The following BNC2 variants were observed in gnomAD, a reference collection of about 807,000 sequenced individuals.
The protein encoded by BNC2 is basonuclin zinc finger protein 2.
A neutral mutation model predicts 76.3 loss-of-function variants in BNC2; 20 were observed. The ratio of observed to expected loss-of-function variants is 0.26; its 90% CI spans 0.18 to 0.38. The LOEUF is 0.38. Among genes scored for constraint, BNC2 ranks in the 10% least tolerant of loss-of-function variants. The pLI is 1.00. For missense variants in BNC2, 1,382 were observed against 1,399.8 expected (o/e 0.99, Z 0.20); for synonymous variants, 582 against 514.8 (o/e 1.13, Z -1.77).
chr9:16,721,068 G>A (rs976775774), intron 3 of BNC2, among the ~76,000 whole-genome samples: 2 of 152,142 alleles, frequency 1.3e-5, no homozygotes, highest in Non-Finnish European at 2.9e-5. Flanking sequence ...GGAGAAAGAT[G>A]GCAGTACAGG....
chr9:16,514,244 A>AATT (rs1271550327), intron 5 of BNC2, among the ~76,000 whole-genome samples: 2 of 152,210 alleles, frequency 1.3e-5, no homozygotes, highest in African/African-American at 4.8e-5. Context: ...ATGCAGCCTG[A>AATT]GAGTTACTAG....
At chr9:16,711,016 G>C (rs150937076) in intron 3 of BNC2, among the ~76,000 whole-genome samples, 4 of 151,864 alleles carry the variant, frequency 2.6e-5, no homozygotes, top group Non-Finnish European at 5.9e-5. Context: ...GCAGCTCTTG[G>C]CCATCACTGC....
At chr9:16,471,983 G>A (rs1338320201) in intron 5 of BNC2, among the ~76,000 whole-genome samples, 1 of 152,018 alleles carries the variant, frequency 6.6e-6, no homozygotes, top group Non-Finnish European at 1.5e-5. Context: ...TTTTTCTCTT[G>A]CCTCTGCCAT....
intron 5 of BNC2, among the ~76,000 whole-genome samples, chr9:16,511,946 C>T (rs769028333): frequency 3.3e-5 from 5 of 152,044 alleles, no homozygotes; most frequent in South Asian, 2.1e-4. Context: ...AAGTGCTCTC[C>T]GTAAAAATCT....
At chr9:16,762,125 G>C (rs557119591) in intron 1 of BNC2, among the ~76,000 whole-genome samples, 96 of 152,250 alleles carry the variant, frequency 6.3e-4, no homozygotes, top group African/African-American at 2.3e-3. Context: ...GCTCCAGGAA[G>C]CAAACTCTTC....
At chr9:16,582,372 G>A (rs1414907224) in intron 4 of BNC2, among the ~76,000 whole-genome samples, 1 of 151,876 alleles carries the variant, frequency 6.6e-6, no homozygotes, top group Non-Finnish European at 1.5e-5. Context: ...CTTCGCGTGG[G>A]GTCTCCCCAC....
chr9:16,697,632 A>G (rs1823378669), intron 3 of BNC2, among the ~76,000 whole-genome samples: 1 of 151,986 alleles, frequency 6.6e-6, no homozygotes, highest in Non-Finnish European at 1.5e-5. Context: ...AAGAGGCACA[A>G]GAATTGCTTA....
In BNC2 at chr9:16,589,423, C is replaced by T. The variant is rs369918173; in HGVS notation, c.331-6338G>A. Among the ~76,000 whole-genome samples the T allele has an allele frequency of 6.6e-5, 10 of 152,074 alleles. No homozygotes were observed. In the East Asian group the frequency reaches 1.9e-3, roughly 29 times the overall value. On this transcript the variant is annotated intron_variant, in intron 3 of 6. Transcript: ENST00000380672. Reference sequence around the variant, plus strand: ...CTGGTCTCAAACTCCTAAGCTCAAGCGATTTGCCCGCCTCAGCCTCCCAAA... The same window carrying T: ...CTGGTCTCAAACTCCTAAGCTCAAGTGATTTGCCCGCCTCAGCCTCCCAAA...
intron 3 of BNC2, among the ~76,000 whole-genome samples, chr9:16,701,443 TATC>T (rs1273252670): frequency 6.6e-6 from 1 of 152,198 alleles, no homozygotes; most frequent in African/African-American, 2.4e-5. Flanking sequence ...ATAAATAAGA[TATC>T]ATGACTAGCA....
intron 1 of BNC2, among the ~76,000 whole-genome samples, chr9:16,860,665 A>G (rs552553311): frequency 1.3e-5 from 2 of 152,342 alleles, no homozygotes; most frequent in African/African-American, 4.8e-5. Context: ...CATACCAAGG[A>G]CAGAAACATC....
chr9:16,694,948 T>C (rs563652969), intron 3 of BNC2, among the ~76,000 whole-genome samples: 1 of 152,184 alleles, frequency 6.6e-6, no homozygotes, highest in African/African-American at 2.4e-5. Context: ...GTAGTCTGTA[T>C]CAGACAGGTA....
At chr9:16,724,177 G>C (rs1045354064) in intron 3 of BNC2, among the ~76,000 whole-genome samples, 1 of 151,644 alleles carries the variant, frequency 6.6e-6, no homozygotes, top group Non-Finnish European at 1.5e-5. Flanking sequence ...ATTAAATGTG[G>C]GCTATAGCTA....
chr9:16,737,399 C>T (rs374188623), intron 2 of BNC2, among the ~76,000 whole-genome samples: 9 of 151,530 alleles, frequency 5.9e-5, no homozygotes, highest in South Asian at 2.1e-4. Context: ...TACAGGCGCC[C>T]GCCACCACGC....
intron 4 of BNC2, among the ~76,000 whole-genome samples, chr9:16,568,828 G>A (rs969575070): frequency 2.0e-5 from 3 of 152,084 alleles, no homozygotes; most frequent in Admixed American, 1.3e-4. Flanking sequence ...TTCTTATGAC[G>A]TGAAGTAATA....
intron 3 of BNC2, among the ~76,000 whole-genome samples, chr9:16,603,286 T>C (rs1268936240): frequency 1.3e-5 from 2 of 152,326 alleles, no homozygotes; most frequent in East Asian, 3.9e-4. Flanking sequence ...AAATCAAAAT[T>C]TACTTCTACA....
At chr9:16,733,959 A>C (rs2840290) in intron 2 of BNC2, among the ~76,000 whole-genome samples, 3 of 151,854 alleles carry the variant, frequency 2.0e-5, no homozygotes, top group African/African-American at 4.8e-5. Context: ...ATTTCCTTTC[A>C]TTACATCCTT....
At chr9:16,847,023 T>C (rs1378643449) in intron 1 of BNC2, among the ~76,000 whole-genome samples, 2 of 152,198 alleles carry the variant, frequency 1.3e-5, no homozygotes, top group Non-Finnish European at 2.9e-5. Flanking sequence ...AGATAATATA[T>C]TTAAAATAGT....
At chr9:16,779,130 A>AAAAAAAAAAAAAAG (rs556932807) in intron 1 of BNC2, among the ~76,000 whole-genome samples, 4 of 87,618 alleles carry the variant, frequency 4.6e-5, no homozygotes, top group Non-Finnish European at 6.6e-5. Flanking sequence ...AAAAAAAAAA[A>AAAAAAAAAAAAAAG]AAAAGAAAAG....
At chr9:16,496,172 G>T (rs542645375) in intron 5 of BNC2, among the ~76,000 whole-genome samples, 4 of 152,036 alleles carry the variant, frequency 2.6e-5, no homozygotes, top group Non-Finnish European at 4.4e-5. Context: ...GCCTCCCAAA[G>T]TGCTGGGATT....
Sources: gnomAD v4.1 joint callset for allele counts (sites outside exome capture counted in the v4.1 genomes callset) on GRCh38, gnomAD v4.1.1 for gene constraint, MANE v1.5 for transcripts, NCBI Gene and HGNC (gene_info 2026-07-23, HGNC 2026-07-21) for gene names.